The following VPS37D variants were observed in gnomAD, a reference collection of about 807,000 sequenced individuals.
VPS37D encodes the protein vacuolar protein sorting-associated protein 37D.
In VPS37D, 5 loss-of-function variants were observed where a neutral mutation model predicts 22.0. That is an observed-to-expected ratio of 0.23 (90% confidence interval 0.12 to 0.48). The LOEUF is 0.48. Ranked by LOEUF, VPS37D falls within the 20% of genes least tolerant of loss-of-function variation. VPS37D has a pLI of 0.99. For synonymous variants in VPS37D, 174 were observed against 159.3 expected (o/e 1.09, Z -0.69); for missense variants, 384 against 345.8 (o/e 1.11, Z -0.88).
In VPS37D at chr7:73,671,299, G is replaced by A; in HGVS notation, c.679G>A (p.Gly227Ser). The change falls in exon 4 of 4, where the codon GGC becomes AGC. Residue 227 changes from glycine to serine, a missense_variant. Gly to Ser is a moderately conservative substitution (Grantham distance 56). Transcript: ENST00000324941. ...CTCCCGCCCAGTGCCCCCACTGAAG[G>A]GCTCCCCCGGGTGCCCCCTCGGCCC... ...LDSRPVPPLK[G>S]SPGCPLGPAP... The A allele has an allele frequency of 7.1e-7, 1 of 1,410,380 alleles. No homozygotes were observed. Among genetic ancestry groups the A allele is most frequent in the South Asian group, 1.5e-5 (1 of 66,008 alleles). The allele number at this position is 1,410,380 out of a possible 1,614,324, so 87.4% of individuals were successfully genotyped here.
chr7:73,670,712 A>G (rs1281547494), intron 3 of VPS37D, among the ~76,000 whole-genome samples: 3 of 151,856 alleles, frequency 2.0e-5, no homozygotes, highest in Admixed American at 1.3e-4. Flanking sequence ...TGGGAGGCTG[A>G]GGCAGGAGAA....
rs543109499 is a variant in VPS37D at position 73,671,108 on chromosome 7, C to T, written c.488C>T (p.Thr163Met). 5.2e-5 allele frequency: 83 copies of T among 1,609,638 alleles called. No homozygotes were observed. Among genetic ancestry groups the T allele is most frequent in the Middle Eastern group, 1.7e-4 (1 of 5,930 alleles). The change falls in exon 4 of 4, where the codon ACG becomes ATG. Residue 163 changes from threonine to methionine, a missense_variant. Thr to Met is a moderately conservative substitution (Grantham distance 81). Coordinates refer to ENST00000324941, the MANE Select transcript of VPS37D (RefSeq NM_001077621.2). ...CGCGCCCTGGCCCACCTGAGGCGGACGCAGGCAGAGAAGCTGCAGGAGCTG... is the reference window on the plus strand; with the variant it reads ...CGCGCCCTGGCCCACCTGAGGCGGATGCAGGCAGAGAAGCTGCAGGAGCTG... Reference protein sequence around the residue: ...RGRALAHLRRTQAEKLQELLR... With the variant: ...RGRALAHLRRMQAEKLQELLR...
Position 73,671,409 on chromosome 7 carries a change from T to TA in VPS37D, c.*34dup. On this transcript the variant is annotated 3_prime_UTR_variant, in exon 4 of 4. Transcript: ENST00000324941. ...GGTGCGGCCCCCCAGTTGGGGGGCC[T>TA]AGACAAACTTGATGCGTGGCTCCTC... is the stretch of plus-strand genomic sequence containing the variant. The TA allele has an allele frequency of 7.7e-7, 1 of 1,301,356 alleles. No homozygotes were observed. The highest frequency in any genetic ancestry group is 9.9e-7 in the Non-Finnish European group (1 of 1,013,744). The allele number at this position is 1,301,356 out of a possible 1,614,324, so 80.6% of individuals were successfully genotyped here. A position where few individuals can be genotyped will look rare whatever the true frequency, so the allele number is the denominator to read the frequency against.
intron 1 of VPS37D, 112 bp downstream of exon 1, chr7:73,668,208 G>A (rs1797426039): frequency 2.7e-5 from 17 of 636,566 alleles, no homozygotes; most frequent in Non-Finnish European, 3.2e-5. Context: ...CGTGGGCGCG[G>A]AGCCTGGCAC....
At chr7:73,668,227 G>A in intron 1 of VPS37D, 131 bp downstream of exon 1, 1 of 476,054 alleles carries the variant, frequency 2.1e-6, no homozygotes, top group Non-Finnish European at 2.8e-6. Context: ...ACGTACGAGT[G>A]GGCCCCGCGG....
Position 73,667,968 on chromosome 7 carries a change from G to C in VPS37D, c.10G>C (p.Ala4Pro). The change falls in exon 1 of 4, where the codon GCC becomes CCC. Residue 4 changes from alanine (A) to proline (P), a missense_variant. By Grantham distance (27) the Ala-to-Pro change is conservative. Transcript: ENST00000324941. ...GGCGCGGGCGGGCGGCATGTACCGG[G>C]CCCGGGCGGCGCGGGCGGGGCCGGA... MYR[A>P]RAARAGPEPG... 1 of 1,063,012 alleles carries C rather than the reference G, an allele frequency of 9.4e-7. No homozygotes were observed. 65.8% of individuals were successfully genotyped at this position (1,063,012 alleles called of 1,614,324 possible). A position where few individuals can be genotyped will look rare whatever the true frequency, so the allele number is the denominator to read the frequency against.
chr7:73,669,263 C>T (rs6957208), intron 1 of VPS37D, among the ~76,000 whole-genome samples, 156 bp from the exon 2 acceptor site: 3 of 152,200 alleles, frequency 2.0e-5, no homozygotes, highest in South Asian at 2.1e-4. Context: ...GGCCTGTCAT[C>T]GTCCCTTCAC....
At chr7:73,666,427 CT>C (rs1201018002), upstream of VPS37D, among the ~76,000 whole-genome samples, 2 of 151,622 alleles carry the variant, frequency 1.3e-5, no homozygotes, top group African/African-American at 4.8e-5. Flanking sequence ...TCTTTTTTTT[CT>C]TTTTTTTCTT....
At chr7:73,669,306 A>C in intron 1 of VPS37D, 113 bp from the exon 2 acceptor site, 1 of 1,357,796 alleles carries the variant, frequency 7.4e-7, no homozygotes, top group Non-Finnish European at 9.7e-7. Context: ...GGGGTGCCTG[A>C]CAGGTGCCTT....
chr7:73,668,014 T>C lies in VPS37D; in HGVS notation c.56T>C (p.Phe19Ser). The change falls in exon 1 of 4, where the codon TTT becomes TCT. Residue 19 changes from phenylalanine to serine, a missense_variant. Physicochemically the swap from Phe to Ser is radical, Grantham distance 155. Coordinates refer to ENST00000324941, the MANE Select transcript of VPS37D (RefSeq NM_001077621.2). ...AGPEPGSPGR[F>S]GILSTGQLRD... ...CCGGAGCCCGGCAGCCCGGGGCGCT[T>C]TGGGATCCTCAGCACCGGGCAGCTC... 4 of 1,125,912 alleles carry C rather than the reference T, an allele frequency of 3.6e-6. No homozygotes were observed. Among genetic ancestry groups the C allele is most frequent in the South Asian group, 3.4e-5 (1 of 28,988 alleles). The allele number at this position is 1,125,912 out of a possible 1,614,324, so 69.7% of individuals were successfully genotyped here. A position where few individuals can be genotyped will look rare whatever the true frequency, so the allele number is the denominator to read the frequency against.
rs1436368102 is a variant in VPS37D at position 73,668,029 on chromosome 7, C to T, written c.71C>T (p.Thr24Ile). Residue 24 changes from threonine (T) to isoleucine (I), a missense_variant, in exon 1 of 4, where the codon ACC (threonine) becomes ATC (isoleucine). Thr to Ile is a moderately conservative substitution (Grantham distance 89). Transcript: ENST00000324941. ...CCGGGGCGCTTTGGGATCCTCAGCA[C>T]CGGGCAGCTCCGGGACCTGCTTCAG... ...GSPGRFGILS[T>I]GQLRDLLQDE... is the part of the protein sequence containing the mutation. 9.5e-6 allele frequency: 11 copies of T among 1,158,736 alleles called. No individual in the cohort carries two copies. In the African/African-American group the frequency reaches 1.7e-4, roughly 17 times the overall value. 71.8% of individuals were successfully genotyped at this position (1,158,736 alleles called of 1,614,324 possible).
chr7:73,666,678 C>T (rs1221905959), upstream of VPS37D, among the ~76,000 whole-genome samples: 2 of 152,184 alleles, frequency 1.3e-5, no homozygotes, highest in Non-Finnish European at 2.9e-5. Context: ...GGATTACAGG[C>T]ATGGGCTACC....
intron 3 of VPS37D, among the ~76,000 whole-genome samples, 187 bp downstream of exon 3, chr7:73,670,289 T>A (rs1797478409): frequency 6.6e-6 from 1 of 152,162 alleles, no homozygotes. Flanking sequence ...CTCACTTTCC[T>A]ACCTGTGAAT....
chr7:73,667,908 C>A lies in VPS37D; in HGVS notation c.-51C>A. 3.0e-6 allele frequency: 2 copies of A among 677,296 alleles called. No individual in the cohort carries two copies. Among genetic ancestry groups the A allele is most frequent in the African/African-American group, 2.0e-5 (1 of 50,690 alleles). 42.0% of individuals were successfully genotyped at this position (677,296 alleles called of 1,614,324 possible). On this transcript the variant is annotated 5_prime_UTR_variant, in exon 1 of 4. Coordinates refer to ENST00000324941, the MANE Select transcript of VPS37D (RefSeq NM_001077621.2). ...GGAGCGGAGCGGAGCCGGGGCGGAG[C>A]GGGCCGAGCGGGCCGAGCCAGCAGC...
chr7:73,670,151 TC>T (rs1797474874), intron 3 of VPS37D, 49 bp downstream of exon 3: 1 of 1,548,926 alleles, frequency 6.5e-7, no homozygotes, highest in African/African-American at 1.4e-5. Flanking sequence ...AGACCCATTC[TC>T]TGCCACCCCC....
At chr7:73,669,712 C>T (rs1369504355) in intron 2 of VPS37D, 122 bp downstream of exon 2, 1 of 841,670 alleles carries the variant, frequency 1.2e-6, no homozygotes, top group African/African-American at 2.1e-5. Flanking sequence ...TCCTGGCTTG[C>T]TGGGCAGTAG....
In VPS37D at chr7:73,667,884, G is replaced by C. The variant is rs575368169; in HGVS notation, c.-75G>C. Reference sequence around the variant, plus strand: ...CGGATCCTGGAGCCGGAGCGGAGCGGAGCGGAGCGGAGCCGGGGCGGAGCG... The same window carrying C: ...CGGATCCTGGAGCCGGAGCGGAGCGCAGCGGAGCGGAGCCGGGGCGGAGCG... On this transcript the variant is annotated 5_prime_UTR_variant, in exon 1 of 4. Coordinates refer to ENST00000324941, the MANE Select transcript of VPS37D (RefSeq NM_001077621.2). The C allele has an allele frequency of 4.3e-6, 2 of 462,194 alleles. No homozygotes were observed. Among genetic ancestry groups the C allele is most frequent in the Non-Finnish European group, 5.7e-6 (2 of 348,760 alleles). The allele number at this position is 462,194 out of a possible 1,614,324, so 28.6% of individuals were successfully genotyped here. A position where few individuals can be genotyped will look rare whatever the true frequency, so the allele number is the denominator to read the frequency against.
At position 73,670,147 on chromosome 7, in the gene VPS37D, A is replaced by G. The variant is rs1797474724; in HGVS notation, c.393+45A>G. 4 of 1,549,106 alleles carry G rather than the reference A, an allele frequency of 2.6e-6. No individual in the cohort carries two copies. In the East Asian group the frequency reaches 9.8e-5, roughly 38 times the overall value. ...GGGCTGGGGGCCAGGAGGGAGACCC[A>G]TTCTCTGCCACCCCCTGGCTCATTC... On this transcript the variant is annotated intron_variant, in intron 3 of 3. Transcript: ENST00000324941.
chr7:73,666,973 C>CTTT (rs71082248), upstream of VPS37D, among the ~76,000 whole-genome samples: 3,240 of 129,950 alleles, frequency 0.025, 102 homozygotes, highest in Non-Finnish European at 0.036. Context: ...TCTTTTCACT[C>CTTT]TTTTTTTTTT....
Sources: allele counts gnomAD v4.1 joint callset (sites outside exome capture counted in the v4.1 genomes callset), GRCh38; gene constraint gnomAD v4.1.1; transcripts MANE v1.5; gene names NCBI Gene and HGNC (gene_info 2026-07-23, HGNC 2026-07-21).